The following PLGRKT variants were observed in gnomAD, a reference collection of about 807,000 sequenced individuals.
PLGRKT encodes the protein plasminogen receptor (KT).
PLGRKT carries 22 observed loss-of-function variants against 18.5 expected under a neutral mutation model. The observed-to-expected ratio is 1.19, with a 90% CI of 0.85 to 1.70. PLGRKT has a LOEUF of 1.70. PLGRKT is among the 40% of genes most tolerant of loss of function. PLGRKT has a pLI of 0.00. For missense variants in PLGRKT, 235 were observed against 174.4 expected, an observed-to-expected ratio of 1.35 and a Z score of -1.96; for synonymous variants, 72 against 52.8, an observed-to-expected ratio of 1.36 and a Z score of -1.58.
intron 3 of PLGRKT, among the ~76,000 whole-genome samples, chr9:5,363,236 G>A (rs1033361989): frequency 6.6e-6 from 1 of 151,904 alleles, no homozygotes; most frequent in East Asian, 2.0e-4. Context: ...TTTGTTTTCT[G>A]TTCAATCAAC....
At chr9:5,366,654 G>A (rs1000296651) in intron 3 of PLGRKT, among the ~76,000 whole-genome samples, 1 of 152,254 alleles carries the variant, frequency 6.6e-6, no homozygotes, top group African/African-American at 2.4e-5. Flanking sequence ...CACTGAATGT[G>A]AAAAAGCTAG....
At chr9:5,432,044 C>T in intron 2 of PLGRKT, 61 bp from the exon 3 acceptor site, 2 of 748,394 alleles carry the variant, frequency 2.7e-6, no homozygotes, top group Non-Finnish European at 4.8e-6. Context: ...CTTGTATGCT[C>T]CACTTTGAGC....
intron 5 of PLGRKT, among the ~76,000 whole-genome samples, chr9:5,359,784 A>C (rs1030741757): frequency 1.3e-5 from 2 of 152,238 alleles, no homozygotes; most frequent in African/African-American, 4.8e-5. Flanking sequence ...CAGGGCAATA[A>C]AAATCAGGAT....
chr9:5,397,288 C>T (rs550033204), intron 3 of PLGRKT, among the ~76,000 whole-genome samples: 2 of 152,052 alleles, frequency 1.3e-5, no homozygotes, highest in African/African-American at 4.8e-5. Flanking sequence ...TGACTTTCCC[C>T]TCACTTTATT....
Position 5,418,638 on chromosome 9 carries a change from G to C in PLGRKT, c.81+13259C>G. The C allele has an allele frequency of 1.4e-6, 1 of 698,400 alleles. No homozygotes were observed. The highest frequency in any genetic ancestry group is 1.5e-5 in the South Asian group (1 of 66,636). The allele number at this position is 698,400 out of a possible 1,614,324, so 43.3% of individuals were successfully genotyped here. ...GCAGCAGGTGGCGGCTCATATCTCC[G>C]GGCAGCAGCGCGTGCTCCTTGGAGA... On this transcript the variant is annotated intron_variant, in intron 3 of 5. Transcript: ENST00000223864. The surrounding 1 kb of genome is among the most constrained non-coding windows in gnomAD (Gnocchi z 4.2).
At chr9:5,403,114 C>A (rs1818186343) in intron 3 of PLGRKT, among the ~76,000 whole-genome samples, 1 of 151,708 alleles carries the variant, frequency 6.6e-6, no homozygotes, top group African/African-American at 2.4e-5. Flanking sequence ...TGGAAGGTGG[C>A]ATTAGATAAT....
intron 3 of PLGRKT, among the ~76,000 whole-genome samples, chr9:5,399,304 G>A (rs1818111591): frequency 6.6e-6 from 1 of 151,836 alleles, no homozygotes; most frequent in South Asian, 2.1e-4. Flanking sequence ...GTACACAGAA[G>A]CAATTTTCCC....
intron 3 of PLGRKT, among the ~76,000 whole-genome samples, chr9:5,423,091 T>C (rs887382402): frequency 1.3e-5 from 2 of 152,236 alleles, no homozygotes; most frequent in Non-Finnish European, 2.9e-5. Context: ...CATAGTCTGC[T>C]GGCACTTAGA....
chr9:5,387,825 C>T (rs1817874079), intron 3 of PLGRKT, among the ~76,000 whole-genome samples: 1 of 151,652 alleles, frequency 6.6e-6, no homozygotes, highest in Admixed American at 6.6e-5. Context: ...TGCAGATGGG[C>T]AAGGGTAACA....
At chr9:5,371,902 A>C (rs1485496967) in intron 3 of PLGRKT, among the ~76,000 whole-genome samples, 2 of 151,750 alleles carry the variant, frequency 1.3e-5, no homozygotes, top group Non-Finnish European at 2.9e-5. Context: ...TACTTAGGAT[A>C]CCTAAGTATT....
At chr9:5,387,814 T>C (rs1817873788) in intron 3 of PLGRKT, among the ~76,000 whole-genome samples, 1 of 151,680 alleles carries the variant, frequency 6.6e-6, no homozygotes, top group African/African-American at 2.4e-5. Flanking sequence ...GGAAGGAGTA[T>C]TGCAGATGGG....
At chr9:5,420,643 C>A (rs1169962576) in intron 3 of PLGRKT, among the ~76,000 whole-genome samples, 4 of 152,136 alleles carry the variant, frequency 2.6e-5, no homozygotes. Flanking sequence ...TAAGTCCGCT[C>A]ATACTTCTAG....
At chr9:5,373,911 C>T (rs1817577815) in intron 3 of PLGRKT, among the ~76,000 whole-genome samples, 1 of 152,176 alleles carries the variant, frequency 6.6e-6, no homozygotes, top group African/African-American at 2.4e-5. Context: ...GAAAAGGCAC[C>T]TCCTAAGAAC....
At chr9:5,388,899 A>C (rs1817894065) in intron 3 of PLGRKT, among the ~76,000 whole-genome samples, 1 of 152,078 alleles carries the variant, frequency 6.6e-6, no homozygotes. Flanking sequence ...CAAGTGCTAA[A>C]TAAGTATTAG....
rs775935834 is a variant in PLGRKT at position 5,431,986 on chromosome 9, A to C, written c.-6-3T>G. 7.6e-7 allele frequency: 1 copy of C among 1,309,850 alleles called. No homozygotes were observed. 81.1% of individuals were successfully genotyped at this position (1,309,850 alleles called of 1,614,324 possible). A position where few individuals can be genotyped will look rare whatever the true frequency, so the allele number is the denominator to read the frequency against. On this transcript the variant is annotated splice_region_variant and splice_polypyrimidine_tract_variant and intron_variant, in intron 2 of 5. Coordinates refer to ENST00000223864, the MANE Select transcript of PLGRKT (RefSeq NM_018465.4). ...GAAAATATAAACCCCATTTTGACCT[A>C]AAATGTAAAAAAAGCAAGGAGACTT...
intron 1 of PLGRKT, among the ~76,000 whole-genome samples, chr9:5,436,958 A>G (rs1818972349): frequency 1.3e-5 from 2 of 152,036 alleles, no homozygotes; most frequent in African/African-American, 4.8e-5. Context: ...AAATTCTAAC[A>G]CTTTTCACCA....
intron 3 of PLGRKT, among the ~76,000 whole-genome samples, chr9:5,406,480 G>C (rs1445771745): frequency 6.6e-6 from 1 of 152,114 alleles, no homozygotes; most frequent in East Asian, 1.9e-4. Context: ...GAAGCTGGAA[G>C]CCATTATCCT....
intron 3 of PLGRKT, among the ~76,000 whole-genome samples, chr9:5,428,532 A>G (rs1818745560): frequency 1.3e-5 from 2 of 152,228 alleles, no homozygotes; most frequent in Admixed American, 1.3e-4. Flanking sequence ...TCCAGAGGCC[A>G]GAGAACACAG....
chr9:5,433,400 G>A (rs1818875553), intron 2 of PLGRKT, among the ~76,000 whole-genome samples: 1 of 149,912 alleles, frequency 6.7e-6, no homozygotes, highest in South Asian at 2.1e-4. Context: ...TGGGATGTGA[G>A]GAGCGCCTCT....
Sources: gnomAD v4.1 joint callset for allele counts (sites outside exome capture counted in the v4.1 genomes callset) on GRCh38, gnomAD v4.1.1 for gene constraint, Gnocchi (gnomAD v3.1) non-coding constraint, MANE v1.5 for transcripts, NCBI Gene and HGNC (gene_info 2026-07-23, HGNC 2026-07-21) for gene names.